The following PWWP2B variants were observed in gnomAD, a reference collection of about 807,000 sequenced individuals.
The protein encoded by PWWP2B is PWWP domain-containing protein 2B.
Under a neutral mutation model 15.5 loss-of-function variants are expected in PWWP2B, and 9 were observed. The observed-to-expected ratio is 0.58, with a 90% CI of 0.35 to 1.02. The LOEUF (loss-of-function observed/expected upper bound fraction) is 1.02, where lower values mean the gene tolerates loss of function less well. Ranked by LOEUF, PWWP2B falls within the 50% of genes least tolerant of loss-of-function variation. The probability of loss-of-function intolerance (pLI) is 0.02; values close to 1 mark genes in which losing one functional copy is unlikely to be tolerated. For missense variants in PWWP2B, 864 were observed against 865.3 expected (o/e 1.00, Z 0.02); for synonymous variants, 474 against 403.6 (o/e 1.17, Z -2.09).
chr10:132,404,754 C>T lies in PWWP2B; in HGVS notation c.254C>T (p.Pro85Leu). Reference sequence around the variant, plus strand: ...GTGATGCAGCTGGGGTCCAGCTCCCCCCCTCCTGCCCGCGGGGTTCAGCCC... The same window carrying T: ...GTGATGCAGCTGGGGTCCAGCTCCCTCCCTCCTGCCCGCGGGGTTCAGCCC... ...AEVMQLGSSSPPPARGVQPPE... is the reference protein window; with the variant it reads ...AEVMQLGSSSLPPARGVQPPE... The change falls in exon 2 of 3, where the codon CCC becomes CTC. Residue 85 changes from proline (P) to leucine (L), a missense_variant. Pro to Leu is a moderately conservative substitution (Grantham distance 98). Around this residue, in one of 2 missense-constraint regions of PWWP2B, gnomAD observed 736 missense variants for 687.7 expected, o/e 1.07. Transcript: ENST00000305233. 6.3e-7 allele frequency: 1 copy of T among 1,594,534 alleles called. No homozygotes were observed. The highest frequency in any genetic ancestry group is 2.2e-5 in the East Asian group (1 of 44,730).
chr10:132,406,813 C>A (rs560960466), intron 2 of PWWP2B, among the ~76,000 whole-genome samples: 1 of 152,200 alleles, frequency 6.6e-6, no homozygotes, highest in Non-Finnish European at 1.5e-5. Flanking sequence ...ATGAAGCCCC[C>A]ACCCCAACTC....
intron 2 of PWWP2B, among the ~76,000 whole-genome samples, chr10:132,406,490 G>A (rs967014394): frequency 4.6e-5 from 7 of 152,252 alleles, no homozygotes; most frequent in African/African-American, 1.2e-4. Context: ...CACAAGAGGC[G>A]CACTGCAAGG....
At position 132,407,362 on chromosome 10, in the gene PWWP2B, C is replaced by T. The variant is rs368876222; in HGVS notation, c.*16+1073C>T. ...AGAGATTCCAGGGCCAGGGGCTGTA[C>T]GCAGAGGGCAGGGGCAGGGCTCCGC... is the stretch of plus-strand genomic sequence containing the variant. On this transcript the variant is annotated intron_variant, in intron 2 of 2. Transcript: ENST00000305233. 2.0e-4 allele frequency among the ~76,000 whole-genome samples: 31 copies of T among 152,326 alleles called. No homozygotes were observed. The South Asian group carries it at 2.1e-3, about 10-fold the overall frequency.
Position 132,404,871 on chromosome 10 carries a change from C to G in PWWP2B, c.371C>G (p.Ala124Gly). The G allele has an allele frequency of 6.3e-7, 1 of 1,592,440 alleles. No homozygotes were observed. The highest frequency in any genetic ancestry group is 8.5e-7 in the Non-Finnish European group (1 of 1,176,528). ...LPPYPPYFEG[A>G]PFPHPLWLRD... ...CCGTACCCTCCCTACTTCGAAGGCG[C>G]CCCCTTCCCTCACCCGCTGTGGCTC... Residue 124 changes from alanine to glycine, a missense_variant, in exon 2 of 3, where the codon GCC (alanine) becomes GGC (glycine). By Grantham distance (60) the Ala-to-Gly change is moderately conservative (BLOSUM62 0). Transcript: ENST00000305233.
chr10:132,409,136 G>C (rs555267074), intron 2 of PWWP2B, among the ~76,000 whole-genome samples: 13 of 152,200 alleles, frequency 8.5e-5, no homozygotes. Flanking sequence ...GGTAACAACA[G>C]GTCCCGCCTC....
At chr10:132,411,584 C>T (rs550319166) in intron 2 of PWWP2B, among the ~76,000 whole-genome samples, 6 of 152,368 alleles carry the variant, frequency 3.9e-5, no homozygotes, top group Admixed American at 1.3e-4. Context: ...CAGAAAGGTC[C>T]GCTGTGCACA....
At position 132,417,715 on chromosome 10, in the gene PWWP2B, TGGA is replaced by T. The variant is rs1442417617; in HGVS notation, c.*677_*679del. 1.3e-5 allele frequency: 2 copies of T among 152,474 alleles called. No homozygotes were observed. Among genetic ancestry groups the T allele is most frequent in the African/African-American group, 2.4e-5 (1 of 41,454 alleles). 9.4% of individuals were successfully genotyped at this position (152,474 alleles called of 1,614,324 possible). Reference sequence around the variant, plus strand: ...GCTGCTACGAGTGACCAGTGCTGTGTGGAGGAGGCCAAGGGCGGCCCCTGGGAA... The same window carrying T: ...GCTGCTACGAGTGACCAGTGCTGTGTGGAGGCCAAGGGCGGCCCCTGGGAA... On this transcript the variant is annotated 3_prime_UTR_variant, in exon 3 of 3. Transcript: ENST00000305233.
In PWWP2B at chr10:132,404,058, C is replaced by CTGGGCTCCTG. The variant is rs2069648661; in HGVS notation, c.126-568_126-567insTGGGCTCCTG. Among the ~76,000 whole-genome samples the CTGGGCTCCTG allele has an allele frequency of 3.2e-5, 3 of 92,666 alleles. No individual in the cohort carries two copies. The South Asian group carries it at 8.8e-4, about 27-fold the overall frequency. The allele number at this position is 92,666 out of a possible 152,430, so 60.8% of individuals were successfully genotyped here. On this transcript the variant is annotated intron_variant, in intron 1 of 2. Coordinates refer to ENST00000305233, the MANE Select transcript of PWWP2B (RefSeq NM_138499.4). ...CAGGGCTCCTGCAGGACGGCATTCTCCAGGGCTCCTGCAGGACGGCATTCT... is the reference window on the plus strand; with the variant it reads ...CAGGGCTCCTGCAGGACGGCATTCTCTGGGCTCCTGCAGGGCTCCTGCAGGACGGCATTCT...
intron 1 of PWWP2B, among the ~76,000 whole-genome samples, chr10:132,404,044 C>CAGGACGGCATTCTTCTGGGCTCCCGT: frequency 1.5e-5 from 1 of 67,116 alleles, no homozygotes; most frequent in East Asian, 6.2e-4. Context: ...AGGGCTCCTG[C>CAGGACGGCATTCTTCTGGGCTCCCGT]AGGACGGCAT....
intron 2 of PWWP2B, among the ~76,000 whole-genome samples, chr10:132,416,361 GTC>G (rs1250833697): frequency 6.6e-6 from 1 of 152,156 alleles, no homozygotes; most frequent in African/African-American, 2.4e-5. Flanking sequence ...GACAGTGTCT[GTC>G]TCTCTGTTTG....
At chr10:132,409,494 CCACCA>C (rs1229009407) in intron 2 of PWWP2B, among the ~76,000 whole-genome samples, 1 of 152,138 alleles carries the variant, frequency 6.6e-6, no homozygotes, top group African/African-American at 2.4e-5. Flanking sequence ...ACCCACACCC[CCACCA>C]CCGCCTGGGC....
At chr10:132,412,443 T>C (rs986000558) in intron 2 of PWWP2B, among the ~76,000 whole-genome samples, 1 of 152,128 alleles carries the variant, frequency 6.6e-6, no homozygotes, top group Non-Finnish European at 1.5e-5. Flanking sequence ...CTGCACTCCA[T>C]GGGGCTCACT....
chr10:132,398,853 C>T (rs2069573212), intron 1 of PWWP2B, among the ~76,000 whole-genome samples: 2 of 152,234 alleles, frequency 1.3e-5, no homozygotes, highest in South Asian at 4.1e-4. Context: ...CACTTAGCAG[C>T]CAACCTTGCT....
intron 2 of PWWP2B, among the ~76,000 whole-genome samples, chr10:132,416,091 C>T (rs2069851052): frequency 1.3e-5 from 2 of 152,194 alleles, no homozygotes; most frequent in Admixed American, 1.3e-4. Flanking sequence ...AGGGCTTCCA[C>T]GAGGGCAGCA....
At chr10:132,401,334 C>T (rs1007987630) in intron 1 of PWWP2B, among the ~76,000 whole-genome samples, 6 of 152,210 alleles carry the variant, frequency 3.9e-5, no homozygotes, top group African/African-American at 9.6e-5. Context: ...TCCCTGAGCT[C>T]GCAAGGATGT....
At chr10:132,401,531 C>G (rs527464964) in intron 1 of PWWP2B, among the ~76,000 whole-genome samples, 4 of 152,232 alleles carry the variant, frequency 2.6e-5, no homozygotes, top group African/African-American at 9.6e-5. Flanking sequence ...TGCCAAGGCT[C>G]GGTGTTACCT....
intron 2 of PWWP2B, among the ~76,000 whole-genome samples, chr10:132,415,119 G>GT (rs2069827663): frequency 6.6e-6 from 1 of 152,106 alleles, no homozygotes; most frequent in Non-Finnish European, 1.5e-5. Context: ...TGATCCTTAA[G>GT]TTTTCAATTT....
intron 2 of PWWP2B, among the ~76,000 whole-genome samples, chr10:132,414,972 C>T (rs2069825563): frequency 1.3e-5 from 2 of 152,114 alleles, no homozygotes; most frequent in South Asian, 4.2e-4. Context: ...GGAGATGGTC[C>T]AAAATGCAGC....
intron 2 of PWWP2B, among the ~76,000 whole-genome samples, chr10:132,412,935 T>A (rs2069800869): frequency 6.6e-6 from 1 of 152,264 alleles, no homozygotes; most frequent in Non-Finnish European, 1.5e-5. Flanking sequence ...GCTCAGACGG[T>A]GCCATCTTGG....
Sources: gnomAD v4.1 joint callset for allele counts (sites outside exome capture counted in the v4.1 genomes callset) on GRCh38, gnomAD v4.1.1 for gene constraint, gnomAD v4.1.1 regional missense constraint, MANE v1.5 for transcripts, NCBI Gene and HGNC (gene_info 2026-07-23, HGNC 2026-07-21) for gene names.